The following SURF6 variants were observed in gnomAD, a reference collection of about 807,000 sequenced individuals.
SURF6 encodes the protein surfeit 6.
Under a neutral mutation model 37.5 loss-of-function variants are expected in SURF6, and 28 were observed. That is an observed-to-expected ratio of 0.75 (90% CI 0.55 to 1.02). The LOEUF is 1.02. SURF6 is among the 50% of genes least tolerant of loss of function. The pLI is 0.00. For missense variants in SURF6, 560 were observed against 490.5 expected (o/e 1.14, Z -1.34); for synonymous variants, 248 against 210.9 (o/e 1.18, Z -1.52).
chr9:133,335,900 A>C (rs2129932991), intron 1 of SURF6, 139 bp downstream of exon 1: 11 of 719,206 alleles, frequency 1.5e-5, no homozygotes, highest in Non-Finnish European at 1.7e-5. Context: ...AAAACAAAAA[A>C]AACAAATAAG....
chr9:133,333,893 C>G, intron 2 of SURF6, 87 bp from the exon 3 acceptor site: 1 of 1,117,442 alleles, frequency 8.9e-7, no homozygotes. Context: ...CCCACTGTGG[C>G]CACTCATGGA....
Position 133,332,718 on chromosome 9 carries a change from G to C in SURF6, c.436C>G (p.Arg146Gly), listed in dbSNP as rs2129920913. 6.8e-6 allele frequency: 11 copies of C among 1,611,554 alleles called. No homozygotes were observed. The Admixed American group carries it at 1.0e-4, about 15-fold the overall frequency. The change falls in exon 4 of 5, where the codon CGG becomes GGG. Residue 146 changes from arginine (R) to glycine (G), a missense_variant. Arg to Gly is a moderately radical substitution (Grantham distance 125). Coordinates refer to ENST00000372022, the MANE Select transcript of SURF6 (RefSeq NM_006753.6). The part of the protein sequence containing the change: ...ELSPAALEKR[R>G]RRKQERDRKK... ...CGGTCCCGTTCCTGCTTTCTCCGCC[G>C]CCTTTTCTCCAAGGCGGCAGGGGAC...
Position 133,330,489 on chromosome 9 carries a change from CAA to C in SURF6, c.*1378_*1379del, listed in dbSNP as rs1336017203. The C allele has an allele frequency of 1.3e-5, 2 of 152,182 alleles. No homozygotes were observed. Among genetic ancestry groups the C allele is most frequent in the Non-Finnish European group, 1.5e-5 (1 of 68,032 alleles). 9.4% of individuals were successfully genotyped at this position (152,182 alleles called of 1,614,324 possible). On this transcript the variant is annotated 3_prime_UTR_variant, in exon 5 of 5. Transcript: ENST00000372022. The stretch of plus-strand genomic sequence containing the variant: ...GATCTCAAGTGATCCACCCGCCTCC[CAA>C]AGAGCTGGGATTGACAGCATGAGCC...
chr9:133,332,119 C>T lies in SURF6; in HGVS notation c.836G>A (p.Gly279Asp), dbSNP rs2129915312. The T allele has an allele frequency of 1.1e-5, 18 of 1,610,402 alleles. No individual in the cohort carries two copies. The highest frequency in any genetic ancestry group is 4.5e-5 in the East Asian group (2 of 44,874). The change falls in exon 5 of 5, where the codon GGC becomes GAC. Residue 279 changes from glycine (G) to aspartate (D), a missense_variant. Gly to Asp is a moderately conservative substitution (Grantham distance 94). Transcript: ENST00000372022. ...KWTNLLYKAE[G>D]VKIRDDERLL... ...GCGTTCGTCGTCACGGATCTTCACGCCCTCCGCCTTGTAGAGGAGGTTGGT... is the reference window on the plus strand; with the variant it reads ...GCGTTCGTCGTCACGGATCTTCACGTCCTCCGCCTTGTAGAGGAGGTTGGT...
Position 133,334,389 on chromosome 9 carries a change from C to G in SURF6, c.304+3G>C. 1.2e-6 allele frequency: 2 copies of G among 1,611,492 alleles called. No homozygotes were observed. Among genetic ancestry groups the G allele is most frequent in the Non-Finnish European group, 1.7e-6 (2 of 1,179,370 alleles). On this transcript the variant is annotated splice_donor_region_variant and intron_variant, in intron 2 of 4. Coordinates refer to ENST00000372022, the MANE Select transcript of SURF6 (RefSeq NM_006753.6). ...AGAACCAACATGCCCTGAAGCCTCT[C>G]ACCTGCAGGGTTCCCTGCTGAGCTG...
rs2129927367 is a variant in SURF6 at position 133,334,450 on chromosome 9, C to G, written c.246G>C (p.Arg82Ser). ...EKSPAASGAR[R>S]PEAAKEEAAW... The stretch of plus-strand genomic sequence containing the variant: ...CTGCTTCCTCTTTGGCTGCCTCAGG[C>G]CTCCTGGCCCCAGAGGCTGCTGGAG... Residue 82 changes from arginine to serine, a missense_variant, in exon 2 of 5, where the codon AGG becomes AGC. Coordinates refer to ENST00000372022, the MANE Select transcript of SURF6 (RefSeq NM_006753.6). 1.9e-6 allele frequency: 3 copies of G among 1,613,980 alleles called. No homozygotes were observed. In the African/African-American group the frequency reaches 4.0e-5, roughly 22 times the overall value.
rs2129908838 is a variant in SURF6, at chr9:133,331,131, C to T, written c.*738G>A. ...CTCTGGATTTAATTCTTCCATCCCA[C>T]TTTGTATCTTGCATTCACTTCACTC... On this transcript the variant is annotated 3_prime_UTR_variant, in exon 5 of 5. Transcript: ENST00000372022. 1 of 152,364 alleles carries T rather than the reference C, an allele frequency of 6.6e-6. No individual in the cohort carries two copies. The highest frequency in any genetic ancestry group is 2.1e-4 in the South Asian group (1 of 4,832). The allele number at this position is 152,364 out of a possible 1,614,324, so 9.4% of individuals were successfully genotyped here.
chr9:133,332,135 G>C lies in SURF6; in HGVS notation c.820C>G (p.Leu274Val). 1 of 1,610,890 alleles carries C rather than the reference G, an allele frequency of 6.2e-7. No homozygotes were observed. The highest frequency in any genetic ancestry group is 1.1e-5 in the South Asian group (1 of 91,086). ...LEAKMKWTNL[L>V]YKAEGVKIRD... Reference sequence around the variant, plus strand: ...ATCTTCACGCCCTCCGCCTTGTAGAGGAGGTTGGTCCACTTCATCTTCGCC... The same window carrying C: ...ATCTTCACGCCCTCCGCCTTGTAGACGAGGTTGGTCCACTTCATCTTCGCC... The change falls in exon 5 of 5, where the codon CTC (leucine) becomes GTC (valine). Residue 274 changes from leucine (L) to valine (V), a missense_variant. Leu to Val is a conservative substitution (Grantham distance 32). Coordinates refer to ENST00000372022, the MANE Select transcript of SURF6 (RefSeq NM_006753.6).
chr9:133,336,125 G>A lies in SURF6; in HGVS notation c.8C>T (p.Ser3Phe). 4 of 1,612,068 alleles carry A rather than the reference G, an allele frequency of 2.5e-6. No homozygotes were observed. Among genetic ancestry groups the A allele is most frequent in the Non-Finnish European group, 3.4e-6 (4 of 1,179,710 alleles). ...CAGGTAGGCGTCCTTGGCGAGTAGA[G>A]AGGCCATGGCGGAGACCCGGGCCGT... Reference protein sequence around the residue: MASLLAKDAYLQS... With the variant: MAFLLAKDAYLQS... Residue 3 changes from serine to phenylalanine, a missense_variant, in exon 1 of 5, where the codon TCT (serine) becomes TTT (phenylalanine). Physicochemically the swap from Ser to Phe is radical, Grantham distance 155 (BLOSUM62 -2). Coordinates refer to ENST00000372022, the MANE Select transcript of SURF6 (RefSeq NM_006753.6).
At chr9:133,332,510 G>A (rs1255551170) in intron 4 of SURF6, 38 bp downstream of exon 4, 22 of 1,596,430 alleles carry the variant, frequency 1.4e-5, no homozygotes, top group African/African-American at 2.7e-5. Context: ...GAGGCCTGAA[G>A]CCGACCCAGC....
At chr9:133,333,940 T>C (rs1835811045) in intron 2 of SURF6, 134 bp from the exon 3 acceptor site, 1 of 721,976 alleles carries the variant, frequency 1.4e-6, no homozygotes, top group Non-Finnish European at 2.4e-6. Flanking sequence ...ACTCCACCGC[T>C]TCAACCTGGA....
In SURF6 at chr9:133,334,484, C is replaced by T. The variant is rs1835823655; in HGVS notation, c.212G>A (p.Gly71Glu). 6.2e-7 allele frequency: 1 copy of T among 1,614,012 alleles called. No homozygotes were observed. Among genetic ancestry groups the T allele is most frequent in the African/African-American group, 1.3e-5 (1 of 74,944 alleles). Residue 71 changes from glycine to glutamate, a missense_variant, in exon 2 of 5, where the codon GGG becomes GAG. Transcript: ENST00000372022. Reference sequence around the variant, plus strand: ...CCCAGAGGCTGCTGGAGATTTCTCCCCCAAGGACTTGGCCTTGTGCTCAGC... The same window carrying T: ...CCCAGAGGCTGCTGGAGATTTCTCCTCCAAGGACTTGGCCTTGTGCTCAGC... ...KAAEHKAKSL[G>E]EKSPAASGAR...
intron 3 of SURF6, 82 bp downstream of exon 3, chr9:133,333,636 G>T: frequency 7.5e-7 from 1 of 1,330,764 alleles, no homozygotes. Flanking sequence ...GAGAACAGGG[G>T]CTACGGCCCC....
At position 133,332,740 on chromosome 9, in the gene SURF6, G is replaced by A. The variant is rs2129921155; in HGVS notation, c.414C>T (p.Ser138=). ...GCCGCCTTTTCTCCAAGGCGGCAGG[G>A]GACAGCTCCTTGGCACTGCCCTGGG... ...ARGQGSAKEL[S]PAALEKRRRR... is the part of the protein sequence containing the mutation. Residue 138 remains serine, a synonymous_variant, in exon 4 of 5, where the codon TCC becomes TCT. Coordinates refer to ENST00000372022, the MANE Select transcript of SURF6 (RefSeq NM_006753.6). 1.9e-6 allele frequency: 3 copies of A among 1,611,210 alleles called. No homozygotes were observed. The highest frequency in any genetic ancestry group is 1.7e-6 in the Non-Finnish European group (2 of 1,180,002).
chr9:133,332,689 C>G lies in SURF6; in HGVS notation c.465G>C (p.Lys155Asn), dbSNP rs2129920628. 1.2e-5 allele frequency: 20 copies of G among 1,612,326 alleles called. No homozygotes were observed. Among genetic ancestry groups the G allele is most frequent in the Non-Finnish European group, 1.6e-5 (19 of 1,180,034 alleles). The change falls in exon 4 of 5, where the codon AAG becomes AAC. Residue 155 changes from lysine (K) to asparagine (N), a missense_variant. Lys to Asn is a moderately conservative substitution (Grantham distance 94, BLOSUM62 0). Transcript: ENST00000372022. ...CCCGCAGCTCCTTTCGCTTCCTCTT[C>G]TTCCGGTCCCGTTCCTGCTTTCTCC... is the stretch of plus-strand genomic sequence containing the variant. ...RRRRKQERDR[K>N]KRKRKELRAK... is the part of the protein sequence containing the mutation.
chr9:133,333,055 G>A (rs1835788433), intron 3 of SURF6: 2 of 448,260 alleles, frequency 4.5e-6, no homozygotes, highest in South Asian at 2.4e-5. Context: ...AGATGAGGAG[G>A]GTCAAGACCA....
rs782503853 is a variant in SURF6 at position 133,332,078 on chromosome 9, G to A, written c.877C>T (p.Leu293=). Residue 293 remains leucine (L), a synonymous_variant, in exon 5 of 5, where the codon CTG becomes TTG. Transcript: ENST00000372022. ...GCCCTGCGCTTCTCCTTGCGCTTCA[G>A]GGCCTCCTGCAGCAGGCGTTCGTCG... ...RDDERLLQEA[L]KRKEKRRAQR... is the part of the protein sequence containing the mutation. 2 of 1,607,652 alleles carry A rather than the reference G, an allele frequency of 1.2e-6. No homozygotes were observed. Among genetic ancestry groups the A allele is most frequent in the African/African-American group, 2.7e-5 (2 of 74,946 alleles).
chr9:133,332,511 C>T (rs2129918670), intron 4 of SURF6, 37 bp downstream of exon 4: 2 of 1,596,156 alleles, frequency 1.3e-6, no homozygotes, highest in Non-Finnish European at 8.5e-7. Flanking sequence ...AGGCCTGAAG[C>T]CGACCCAGCC....
chr9:133,331,587 A>C lies in SURF6; in HGVS notation c.*282T>G. 2.6e-6 allele frequency: 1 copy of C among 380,772 alleles called. No homozygotes were observed. The highest frequency in any genetic ancestry group is 4.6e-6 in the Non-Finnish European group (1 of 219,306). The allele number at this position is 380,772 out of a possible 1,614,324, so 23.6% of individuals were successfully genotyped here. A position where few individuals can be genotyped will look rare whatever the true frequency, so the allele number is the denominator to read the frequency against. ...CTCCCTGACCCTGCAAACCTCGGGG[A>C]AGCTTTCAGGCCCGGGAAAGCAGAC... On this transcript the variant is annotated 3_prime_UTR_variant, in exon 5 of 5. Coordinates refer to ENST00000372022, the MANE Select transcript of SURF6 (RefSeq NM_006753.6).
Sources: gnomAD v4.1 joint callset for allele counts on GRCh38, gnomAD v4.1.1 for gene constraint, MANE v1.5 for transcripts, NCBI Gene and HGNC (gene_info 2026-07-23, HGNC 2026-07-21) for gene names.